PXDNL: variants seen among roughly 807,000 people sequenced by gnomAD.
The protein encoded by PXDNL is probable oxidoreductase PXDNL.
In PXDNL, 145 loss-of-function variants were observed where a neutral mutation model predicts 150.8. The observed-to-expected ratio is 0.96, with a 90% confidence interval of 0.84 to 1.10. The LOEUF (loss-of-function observed/expected upper bound fraction) is 1.10. Among genes scored for constraint, PXDNL ranks in the 50% least tolerant of loss-of-function variants. The pLI is 0.00. For synonymous variants in PXDNL, 757 were observed against 725.7 expected (o/e 1.04, Z -0.69); for missense variants, 2,087 against 1,873.9 (o/e 1.11, Z -2.10).
At chr8:51,402,407 T>A (rs1386655899) in intron 17 of PXDNL, among the ~76,000 whole-genome samples, 1 of 151,954 alleles carries the variant, frequency 6.6e-6, no homozygotes, top group Non-Finnish European at 1.5e-5. Context: ...TAATCCCAGC[T>A]ACTCGGGAGG....
At chr8:51,401,654 A>G (rs1339729432) in intron 17 of PXDNL, among the ~76,000 whole-genome samples, 1 of 152,202 alleles carries the variant, frequency 6.6e-6, no homozygotes, top group Non-Finnish European at 1.5e-5. Flanking sequence ...TATGTCTGAG[A>G]TGCCAGCGAG....
intron 1 of PXDNL, among the ~76,000 whole-genome samples, chr8:51,672,618 C>T (rs1815524663): frequency 6.6e-6 from 1 of 152,096 alleles, no homozygotes; most frequent in Non-Finnish European, 1.5e-5. Flanking sequence ...AATCATGGCA[C>T]ATTTTAAATA....
intron 2 of PXDNL, among the ~76,000 whole-genome samples, chr8:51,620,701 G>A (rs113306184): frequency 3.0e-3 from 174 of 58,848 alleles, no homozygotes; most frequent in African/African-American, 0.011. Flanking sequence ...ACGCTGCCAC[G>A]CCCGGCTAAT....
At chr8:51,687,869 C>A (rs1161573653) in intron 1 of PXDNL, among the ~76,000 whole-genome samples, 1 of 152,140 alleles carries the variant, frequency 6.6e-6, no homozygotes, top group Non-Finnish European at 1.5e-5. Context: ...GGCCCATGTG[C>A]CAAATATAGC....
At chr8:51,647,938 A>C (rs1201985168) in intron 2 of PXDNL, among the ~76,000 whole-genome samples, 1 of 152,184 alleles carries the variant, frequency 6.6e-6, no homozygotes, top group African/African-American at 2.4e-5. Context: ...ATATCAAGAA[A>C]AGCACTGTAA....
intron 1 of PXDNL, among the ~76,000 whole-genome samples, chr8:51,749,104 G>A (rs966309237): frequency 6.6e-6 from 1 of 152,120 alleles, no homozygotes; most frequent in African/African-American, 2.4e-5. Context: ...TTTGGTATCA[G>A]TATTAATTAC....
intron 2 of PXDNL, among the ~76,000 whole-genome samples, chr8:51,626,928 C>A (rs1814371670): frequency 6.6e-6 from 1 of 152,138 alleles, no homozygotes; most frequent in Non-Finnish European, 1.5e-5. Context: ...TTGATGTCTG[C>A]TCACATTAGC....
intron 3 of PXDNL, among the ~76,000 whole-genome samples, chr8:51,582,667 T>C (rs556701304): frequency 6.6e-6 from 1 of 152,184 alleles, no homozygotes; most frequent in African/African-American, 2.4e-5. Context: ...GCAGATAGAA[T>C]GTAAAATGAT....
chr8:51,499,199 G>A (rs565719244), intron 5 of PXDNL, among the ~76,000 whole-genome samples: 37 of 152,194 alleles, frequency 2.4e-4, no homozygotes, highest in East Asian at 1.2e-3. Flanking sequence ...GCACGATCTC[G>A]GCTCACTGCA....
intron 5 of PXDNL, among the ~76,000 whole-genome samples, chr8:51,487,960 C>A (rs960351156): frequency 6.6e-6 from 1 of 152,166 alleles, no homozygotes; most frequent in African/African-American, 2.4e-5. Context: ...TATGTGCAGT[C>A]TGCAGATAAA....
chr8:51,460,146 G>A (rs1047352072), intron 8 of PXDNL, among the ~76,000 whole-genome samples: 8 of 151,476 alleles, frequency 5.3e-5, no homozygotes, highest in African/African-American at 1.9e-4. Context: ...GCTACTTGGA[G>A]GCTGAGGTAG....
At chr8:51,652,036 CTT>C (rs1279443298) in intron 2 of PXDNL, among the ~76,000 whole-genome samples, 1 of 152,146 alleles carries the variant, frequency 6.6e-6, no homozygotes, top group Non-Finnish European at 1.5e-5. Flanking sequence ...AAAACCCTCT[CTT>C]TTACAATATA....
chr8:51,804,896 T>C (rs1304155831), intron 1 of PXDNL, among the ~76,000 whole-genome samples: 2 of 152,006 alleles, frequency 1.3e-5, no homozygotes, highest in African/African-American at 2.4e-5. Flanking sequence ...CCAGTGGTGC[T>C]GGCCTTTACT....
chr8:51,381,078 T>G (rs528200076), intron 17 of PXDNL, among the ~76,000 whole-genome samples: 3 of 152,210 alleles, frequency 2.0e-5, no homozygotes, highest in Non-Finnish European at 4.4e-5. Context: ...GATGTTGTCT[T>G]GTAAATTTCC....
At chr8:51,701,227 A>G (rs1186878800) in intron 1 of PXDNL, among the ~76,000 whole-genome samples, 1 of 152,114 alleles carries the variant, frequency 6.6e-6, no homozygotes, top group East Asian at 1.9e-4. Flanking sequence ...TTTTGCCTTC[A>G]TATTTTTTCA....
intron 6 of PXDNL, among the ~76,000 whole-genome samples, chr8:51,480,732 A>C (rs1489192545): frequency 2.6e-5 from 4 of 152,170 alleles, no homozygotes; most frequent in African/African-American, 9.7e-5. Context: ...CATGGTAGTG[A>C]ATAAGTCTCA....
chr8:51,576,789 G>A (rs1425629177), intron 3 of PXDNL, among the ~76,000 whole-genome samples: 2 of 151,610 alleles, frequency 1.3e-5, no homozygotes. Context: ...GAACAAAAGA[G>A]AGAAAACACA....
intron 1 of PXDNL, among the ~76,000 whole-genome samples, chr8:51,768,267 T>TG (rs1345149166): frequency 6.6e-6 from 1 of 152,126 alleles, no homozygotes; most frequent in Non-Finnish European, 1.5e-5. Flanking sequence ...GTGTTTTTTT[T>TG]TTTTTGTTTT....
intron 2 of PXDNL, among the ~76,000 whole-genome samples, chr8:51,646,115 C>T (rs75186263): frequency 0.021 from 3,237 of 152,222 alleles, 47 homozygotes; most frequent in Non-Finnish European, 0.031. Context: ...ACTAAATTTG[C>T]AGGTAGGGCC....
Sources: allele counts gnomAD v4.1 joint callset (sites outside exome capture counted in the v4.1 genomes callset), GRCh38; gene constraint gnomAD v4.1.1; transcripts MANE v1.5; gene names NCBI Gene and HGNC (gene_info 2026-07-23, HGNC 2026-07-21).